DNER: variants seen among roughly 807,000 people sequenced by gnomAD.
DNER encodes delta/notch like EGF repeat containing, also known as delta and Notch-like epidermal growth factor-related receptor.
DNER carries 33 observed loss-of-function variants against 78.2 expected under a neutral mutation model. That is an observed-to-expected ratio of 0.42 (90% CI 0.32 to 0.56). The LOEUF (loss-of-function observed/expected upper bound fraction) is 0.56. Ranked by LOEUF, DNER falls within the 20% of genes least tolerant of loss-of-function variation. DNER has a pLI of 0.11. For synonymous variants in DNER, 417 were observed against 384.8 expected (o/e 1.08, Z -0.98); for missense variants, 918 against 975.3 (o/e 0.94, Z 0.78).
chr2:229,434,243 C>T (rs573510865), intron 8 of DNER, among the ~76,000 whole-genome samples: 6 of 152,322 alleles, frequency 3.9e-5, no homozygotes, highest in Middle Eastern at 3.4e-3. Flanking sequence ...ACAATGCAAT[C>T]GTGTCATCCT....
chr2:229,704,815 T>C (rs528369317), intron 1 of DNER, among the ~76,000 whole-genome samples: 1 of 152,362 alleles, frequency 6.6e-6, no homozygotes, highest in Admixed American at 6.5e-5. Context: ...TTAAAAATAG[T>C]TATGAAATGA....
At chr2:229,639,097 G>A (rs1257859464) in intron 1 of DNER, among the ~76,000 whole-genome samples, 1 of 152,180 alleles carries the variant, frequency 6.6e-6, no homozygotes, top group Non-Finnish European at 1.5e-5. Context: ...CCCTTCAGGT[G>A]ATACCAACAC....
chr2:229,534,561 C>A (rs1696369584), intron 5 of DNER, among the ~76,000 whole-genome samples: 1 of 152,194 alleles, frequency 6.6e-6, no homozygotes. Context: ...AAACATGTAT[C>A]CCATTTCCAA....
At chr2:229,521,138 T>A (rs997833664) in intron 5 of DNER, among the ~76,000 whole-genome samples, 2 of 152,302 alleles carry the variant, frequency 1.3e-5, no homozygotes, top group Admixed American at 1.3e-4. Context: ...TCAAGTTGAG[T>A]TGGTTTCCTA....
intron 7 of DNER, among the ~76,000 whole-genome samples, chr2:229,457,991 T>G (rs1372430279): frequency 6.6e-6 from 1 of 150,596 alleles, no homozygotes; most frequent in Non-Finnish European, 1.5e-5. Context: ...CAAAAATTAG[T>G]CAGGTGTGGT....
At chr2:229,371,454 G>A (rs938827952) in intron 11 of DNER, among the ~76,000 whole-genome samples, 1 of 152,202 alleles carries the variant, frequency 6.6e-6, no homozygotes, top group African/African-American at 2.4e-5. Context: ...GCATGTGCAC[G>A]AGCTGCTCAA....
intron 7 of DNER, among the ~76,000 whole-genome samples, chr2:229,457,776 GAA>G (rs112392058): frequency 7.1e-6 from 1 of 141,056 alleles, no homozygotes; most frequent in African/African-American, 2.6e-5. Flanking sequence ...ACTTTATTTG[GAA>G]AAAAAAAAAA....
At chr2:229,390,480 G>C (rs1692989853) in intron 10 of DNER, among the ~76,000 whole-genome samples, 1 of 152,224 alleles carries the variant, frequency 6.6e-6, no homozygotes, top group African/African-American at 2.4e-5. Flanking sequence ...AAATCACTTG[G>C]ATCACTAAGG....
chr2:229,666,268 C>G (rs1009635803), intron 1 of DNER, among the ~76,000 whole-genome samples: 1 of 152,164 alleles, frequency 6.6e-6, no homozygotes, highest in Non-Finnish European at 1.5e-5. Context: ...CACCATCACA[C>G]GAGAAATGGA....
At chr2:229,368,787 C>T (rs1434145359) in intron 11 of DNER, among the ~76,000 whole-genome samples, 1 of 152,178 alleles carries the variant, frequency 6.6e-6, no homozygotes, top group Non-Finnish European at 1.5e-5. Context: ...GGAGTGAATG[C>T]CTCTGATACA....
rs547567705 is a variant in DNER at position 229,385,183 on chromosome 2, T to C, written c.1855+3082A>G. ...CAAGGGTTCAATATATACAAATCAA[T>C]AAATGCAATCCATCACTTAAACACA... On this transcript the variant is annotated intron_variant, in intron 11 of 12. Transcript: ENST00000341772. Among the ~76,000 whole-genome samples the C allele has an allele frequency of 3.5e-4, 52 of 148,828 alleles. 1 individual carries two copies. The highest frequency in any genetic ancestry group is 1.2e-3 in the African/African-American group (48 of 40,558).
At chr2:229,427,606 G>A (rs1286379589) in intron 8 of DNER, among the ~76,000 whole-genome samples, 1 of 152,138 alleles carries the variant, frequency 6.6e-6, no homozygotes, top group Non-Finnish European at 1.5e-5. Flanking sequence ...TTGCCCCAGG[G>A]AGGCTGCCAG....
At chr2:229,671,750 G>A (rs1699212914) in intron 1 of DNER, among the ~76,000 whole-genome samples, 2 of 152,264 alleles carry the variant, frequency 1.3e-5, no homozygotes, top group Non-Finnish European at 2.9e-5. Flanking sequence ...CCAAGCTGTC[G>A]GGTTTGATCT....
intron 6 of DNER, among the ~76,000 whole-genome samples, chr2:229,495,774 C>T (rs1695489465): frequency 6.6e-6 from 1 of 152,226 alleles, no homozygotes; most frequent in African/African-American, 2.4e-5. Flanking sequence ...AATAAACCAT[C>T]ACAGAGACCT....
intron 7 of DNER, among the ~76,000 whole-genome samples, chr2:229,460,383 ATGTTG>A (rs1296641226): frequency 6.6e-6 from 1 of 151,782 alleles, no homozygotes; most frequent in Admixed American, 6.6e-5. Flanking sequence ...CCAATGTGTA[ATGTTG>A]AGAGCTTTTT....
intron 5 of DNER, among the ~76,000 whole-genome samples, chr2:229,544,310 C>G (rs1696576013): frequency 6.6e-6 from 1 of 152,148 alleles, no homozygotes; most frequent in South Asian, 2.1e-4. Flanking sequence ...AGCCTCCTGG[C>G]TCTGCACCTC....
rs181065700 is a variant in DNER, at chr2:229,472,849, C to G, written c.1261+4291G>C. Among the ~76,000 whole-genome samples, 257 of 152,244 alleles carry G rather than the reference C, an allele frequency of 1.7e-3. 1 individual carries two copies. Among genetic ancestry groups the G allele is most frequent in the African/African-American group, 5.8e-3 (243 of 41,550 alleles). Reference sequence around the variant, plus strand: ...AATATGAACCTAGTAAAAGCTAAGTCGAAATTCAGGAGAAATACAGAACCT... The same window carrying G: ...AATATGAACCTAGTAAAAGCTAAGTGGAAATTCAGGAGAAATACAGAACCT... On this transcript the variant is annotated intron_variant, in intron 7 of 12. Coordinates refer to ENST00000341772, the MANE Select transcript of DNER (RefSeq NM_139072.4).
At chr2:229,560,866 G>A (rs1559167056) in intron 4 of DNER, among the ~76,000 whole-genome samples, 1 of 152,042 alleles carries the variant, frequency 6.6e-6, no homozygotes, top group Non-Finnish European at 1.5e-5. Flanking sequence ...AAACCAGGAG[G>A]TAAAGGGGCC....
At chr2:229,599,599 G>GCC (rs1425989185) in intron 1 of DNER, among the ~76,000 whole-genome samples, 1 of 152,150 alleles carries the variant, frequency 6.6e-6, no homozygotes, top group Non-Finnish European at 1.5e-5. Context: ...TGAGACCACT[G>GCC]CCTTAAGGGA....
Sources: allele counts gnomAD v4.1 joint callset (sites outside exome capture counted in the v4.1 genomes callset), GRCh38; gene constraint gnomAD v4.1.1; transcripts MANE v1.5; gene names NCBI Gene and HGNC (gene_info 2026-07-23, HGNC 2026-07-21).